DMXL2: variants seen among roughly 807,000 people sequenced by gnomAD.
The protein encoded by DMXL2 is dmX-like protein 2.
A neutral mutation model predicts 331.1 loss-of-function variants in DMXL2; 103 were observed. The ratio of observed to expected loss-of-function variants is 0.31; its 90% confidence interval spans 0.27 to 0.37. The LOEUF is 0.37. DMXL2 is among the 10% of genes least tolerant of loss of function. The pLI, the probability that DMXL2 is intolerant of heterozygous loss-of-function variation, is 1.00. For synonymous variants in DMXL2, 1,281 were observed against 1,252.1 expected, an observed-to-expected ratio of 1.02 and a Z score of -0.49; for missense variants, 3,171 against 3,642.9, an observed-to-expected ratio of 0.87 and a Z score of 3.33.
At chr15:51,521,646 C>G (rs1464841702) in intron 13 of DMXL2, among the ~76,000 whole-genome samples, 1 of 152,118 alleles carries the variant, frequency 6.6e-6, no homozygotes, top group South Asian at 2.1e-4. Context: ...ATCCAATGAG[C>G]TGGCTTAAGT....
intron 1 of DMXL2, among the ~76,000 whole-genome samples, chr15:51,607,512 G>A (rs2053674205): frequency 1.3e-5 from 2 of 152,092 alleles, no homozygotes; most frequent in Admixed American, 6.5e-5. Context: ...ATTAGTCACA[G>A]AAATAAAGTC....
chr15:51,460,877 T>C (rs1368029701), intron 33 of DMXL2, among the ~76,000 whole-genome samples: 2 of 152,142 alleles, frequency 1.3e-5, no homozygotes, highest in Non-Finnish European at 2.9e-5. Context: ...CAGCAATCAC[T>C]AACCATATGT....
At chr15:51,571,322 C>G (rs917275501) in intron 2 of DMXL2, among the ~76,000 whole-genome samples, 1 of 152,172 alleles carries the variant, frequency 6.6e-6, no homozygotes. Context: ...CTTAGACTCC[C>G]ACACAGTAAT....
chr15:51,482,232 T>A (rs1462127319), intron 23 of DMXL2, among the ~76,000 whole-genome samples: 2 of 152,146 alleles, frequency 1.3e-5, no homozygotes, highest in African/African-American at 4.8e-5. Context: ...GTAATTTGAC[T>A]GTACATCCTT....
intron 13 of DMXL2, among the ~76,000 whole-genome samples, chr15:51,533,696 GAA>G (rs1230522599): frequency 6.6e-6 from 1 of 152,152 alleles, no homozygotes; most frequent in Non-Finnish European, 1.5e-5. Context: ...GCAGAAGATA[GAA>G]AGACTGTATT....
chr15:51,586,096 G>T (rs371951526), intron 1 of DMXL2, among the ~76,000 whole-genome samples: 1 of 152,134 alleles, frequency 6.6e-6, no homozygotes, highest in Admixed American at 6.5e-5. Context: ...AAGTCCACTC[G>T]AGAGTGCTGA....
At chr15:51,475,653 CTAA>C (rs1193515166) in intron 27 of DMXL2, among the ~76,000 whole-genome samples, 1 of 151,978 alleles carries the variant, frequency 6.6e-6, no homozygotes, top group Non-Finnish European at 1.5e-5. Flanking sequence ...TAAGAGGAGA[CTAA>C]TGAGACATGA....
chr15:51,487,866 A>AT (rs2140414813), intron 22 of DMXL2, 88 bp downstream of exon 22: 1 of 1,193,936 alleles, frequency 8.4e-7, no homozygotes, highest in East Asian at 2.6e-5. Flanking sequence ...CCTAACAAAC[A>AT]TATGACCAAA....
rs554099901 is a variant in DMXL2, at chr15:51,488,617, T to C, written c.4982A>G (p.Asn1661Ser). 2.4e-5 allele frequency: 38 copies of C among 1,611,288 alleles called. No homozygotes were observed. In the East Asian group the frequency reaches 6.2e-4, roughly 26 times the overall value. Residue 1661 changes from asparagine to serine, a missense_variant, in exon 21 of 44, where the codon AAT becomes AGT. Asn to Ser is a conservative substitution (Grantham distance 46). Coordinates refer to ENST00000560891, the MANE Select transcript of DMXL2 (RefSeq NM_001378457.1). ...GAATAGTGCAGCATCTAAGGCATCA[T>C]TGTTCCTTTGAAAAGAAGCTTTGGC... is the stretch of plus-strand genomic sequence containing the variant. ...KVAKASFQRN[N>S]DALDAALFYL...
chr15:51,500,444 T>C (rs1256568801), intron 17 of DMXL2, among the ~76,000 whole-genome samples: 1 of 152,194 alleles, frequency 6.6e-6, no homozygotes, highest in Non-Finnish European at 1.5e-5. Context: ...GAAATCAAGG[T>C]ATGCAATAAT....
intron 1 of DMXL2, among the ~76,000 whole-genome samples, chr15:51,583,106 C>CTTTTTTTTTTTTTCTT (rs2051563028): frequency 2.4e-4 from 21 of 87,176 alleles, no homozygotes; most frequent in South Asian, 3.4e-4. Context: ...CTTCATTCTT[C>CTTTTTTTTTTTTTCTT]TTTTTTTTTT....
At chr15:51,529,283 CAAAG>C (rs979937253) in intron 13 of DMXL2, among the ~76,000 whole-genome samples, 1 of 151,610 alleles carries the variant, frequency 6.6e-6, no homozygotes, top group Admixed American at 6.6e-5. Context: ...TAAATTGAAA[CAAAG>C]AAAATCATAC....
intron 15 of DMXL2, among the ~76,000 whole-genome samples, chr15:51,513,991 A>C (rs1287855364): frequency 6.6e-6 from 1 of 152,166 alleles, no homozygotes; most frequent in Admixed American, 6.5e-5. Context: ...AAACTGTGAG[A>C]TGGTACCTTG....
In DMXL2 at chr15:51,533,675, C is replaced by T. The variant is rs145763005; in HGVS notation, c.2436+1988G>A. On this transcript the variant is annotated intron_variant, in intron 13 of 43. Transcript: ENST00000560891. ...AATCACCTCATGTAACTTTGACTTTCTTCGTTGACTGCAGAAGATAGAAAG... is the reference window on the plus strand; with the variant it reads ...AATCACCTCATGTAACTTTGACTTTTTTCGTTGACTGCAGAAGATAGAAAG... Among the ~76,000 whole-genome samples, 561 of 152,290 alleles carry T rather than the reference C, an allele frequency of 3.7e-3. 6 individuals are homozygous for T. The highest frequency in any genetic ancestry group is 0.013 in the African/African-American group (537 of 41,568).
chr15:51,499,721 A>G lies in DMXL2; in HGVS notation c.3503T>C (p.Leu1168Ser). The G allele has an allele frequency of 6.2e-7, 1 of 1,614,110 alleles. No homozygotes were observed. The highest frequency in any genetic ancestry group is 8.5e-7 in the Non-Finnish European group (1 of 1,180,012). ...DRYLIPNIKH[L>S]VHLDWVSKED... ...TTTTGATACCCAGTCCAAATGTACT[A>G]AATGTTTGATATTCGGAATAAGATA... Residue 1168 changes from leucine (L) to serine (S), a missense_variant, in exon 18 of 44, where the codon TTA (leucine) becomes TCA (serine). Coordinates refer to ENST00000560891, the MANE Select transcript of DMXL2 (RefSeq NM_001378457.1).
At chr15:51,609,159 T>C (rs2053789467) in intron 1 of DMXL2, among the ~76,000 whole-genome samples, 1 of 151,826 alleles carries the variant, frequency 6.6e-6, no homozygotes, top group African/African-American at 2.4e-5. Flanking sequence ...GAATATGGAG[T>C]CTTAGGACTA....
At chr15:51,597,929 G>A (rs144131327) in intron 1 of DMXL2, among the ~76,000 whole-genome samples, 2 of 152,102 alleles carry the variant, frequency 1.3e-5, no homozygotes, top group African/African-American at 4.8e-5. Flanking sequence ...CGGTCATTTA[G>A]ATTTTCTCTT....
At chr15:51,540,765 T>C (rs2048550125) in intron 9 of DMXL2, among the ~76,000 whole-genome samples, 1 of 152,212 alleles carries the variant, frequency 6.6e-6, no homozygotes, top group Admixed American at 6.5e-5. Context: ...TTAAACATTT[T>C]TAACAAAATT....
chr15:51,517,205 A>G (rs1274279097), intron 13 of DMXL2, 38 bp from the exon 14 acceptor site: 7 of 1,450,462 alleles, frequency 4.8e-6, no homozygotes, highest in Non-Finnish European at 6.8e-6. Flanking sequence ...TGGCCAACAA[A>G]TTATAATCTA....
Sources: allele counts gnomAD v4.1 joint callset (sites outside exome capture counted in the v4.1 genomes callset), GRCh38; gene constraint gnomAD v4.1.1; transcripts MANE v1.5; gene names NCBI Gene and HGNC (gene_info 2026-07-23, HGNC 2026-07-21).